STPG2: variants seen among roughly 807,000 people sequenced by gnomAD.
STPG2 encodes sperm tail PG-rich repeat containing 2, also known as sperm-tail PG-rich repeat-containing protein 2.
A neutral mutation model predicts 54.2 loss-of-function variants in STPG2; 56 were observed. That is an observed-to-expected ratio of 1.03 (90% CI 0.83 to 1.29). The LOEUF (loss-of-function observed/expected upper bound fraction) is 1.29, where lower values mean the gene tolerates loss of function less well. Among genes scored for constraint, STPG2 ranks in the 50% most tolerant of loss-of-function variants. The probability of loss-of-function intolerance (pLI) is 0.00; values close to 1 mark genes in which losing one functional copy is unlikely to be tolerated. For missense variants in STPG2, 596 were observed against 544.9 expected (o/e 1.09, Z -0.93); for synonymous variants, 200 against 181.8 (o/e 1.10, Z -0.81).
At chr4:97,474,884 G>A (rs182077367) in intron 4 of STPG2, among the ~76,000 whole-genome samples, 2 of 151,878 alleles carry the variant, frequency 1.3e-5, no homozygotes, top group East Asian at 3.9e-4. Context: ...TACACATAAA[G>A]ATTTAACTTA....
At chr4:97,986,010 T>C (rs943484471) in intron 5 of STPG2, among the ~76,000 whole-genome samples, 6 of 151,958 alleles carry the variant, frequency 3.9e-5, no homozygotes, top group African/African-American at 1.5e-4. Context: ...CCCACATCCA[T>C]CTCTTGTAGT....
chr4:97,971,446 T>A (rs563221024), intron 7 of STPG2, among the ~76,000 whole-genome samples: 13 of 152,164 alleles, frequency 8.5e-5, no homozygotes, highest in Non-Finnish European at 1.9e-4. Context: ...ATGTGGCACA[T>A]ATACACCATG....
Position 97,797,752 on chromosome 4 carries a change from A to G in STPG2, c.1204+43021T>C, listed in dbSNP as rs527662401. Among the ~76,000 whole-genome samples, 3 of 152,292 alleles carry G rather than the reference A, an allele frequency of 2.0e-5. No homozygotes were observed. In the South Asian group the frequency reaches 6.2e-4, roughly 32 times the overall value. ...TTTTTCTATTGACTGGAATAGTTTC[A>G]GAAGGAATGGTACCAGCTCCTCCTT... On this transcript the variant is annotated intron_variant, in intron 9 of 10. Coordinates refer to ENST00000295268, the MANE Select transcript of STPG2 (RefSeq NM_174952.3).
intron 5 of STPG2, among the ~76,000 whole-genome samples, chr4:98,068,271 C>A (rs1204852208): frequency 1.3e-5 from 2 of 152,076 alleles, no homozygotes; most frequent in Non-Finnish European, 2.9e-5. Flanking sequence ...TTTTCCTTTT[C>A]TTTGACTAGG....
At chr4:97,707,763 T>A (rs1723994386) in intron 10 of STPG2, among the ~76,000 whole-genome samples, 1 of 152,062 alleles carries the variant, frequency 6.6e-6, no homozygotes, top group South Asian at 2.1e-4. Context: ...GTGTCAAACC[T>A]AATACCAAAG....
At chr4:97,641,700 A>C (rs559683798) in intron 10 of STPG2, among the ~76,000 whole-genome samples, 1 of 151,622 alleles carries the variant, frequency 6.6e-6, no homozygotes, top group South Asian at 2.1e-4. Flanking sequence ...AAATGAAAAA[A>C]AAATTGAACA....
intron 8 of STPG2, among the ~76,000 whole-genome samples, chr4:97,924,964 G>A (rs1345076024): frequency 2.0e-5 from 3 of 152,164 alleles, no homozygotes; most frequent in Non-Finnish European, 4.4e-5. Flanking sequence ...CAGAGATTAT[G>A]TAGAATATGA....
intron 8 of STPG2, among the ~76,000 whole-genome samples, chr4:97,938,955 A>T (rs554189189): frequency 6.6e-6 from 1 of 151,440 alleles, no homozygotes; most frequent in South Asian, 2.1e-4. Flanking sequence ...CAGTACTATG[A>T]ATTTTCCTCT....
At chr4:97,792,874 G>A (rs1240059234) in intron 9 of STPG2, among the ~76,000 whole-genome samples, 1 of 152,042 alleles carries the variant, frequency 6.6e-6, no homozygotes, top group African/African-American at 2.4e-5. Flanking sequence ...TTTCCTGGCT[G>A]GGCACAGTGG....
chr4:97,651,648 C>T (rs1722070725), intron 10 of STPG2, among the ~76,000 whole-genome samples: 1 of 152,004 alleles, frequency 6.6e-6, no homozygotes, highest in Non-Finnish European at 1.5e-5. Context: ...AACAAAAGCA[C>T]ATTTTCCCCT....
chr4:97,850,717 T>G (rs887344572), intron 8 of STPG2, among the ~76,000 whole-genome samples: 23 of 152,144 alleles, frequency 1.5e-4, no homozygotes, highest in African/African-American at 5.5e-4. Context: ...GAAAGCCTAA[T>G]CTAGTAACTT....
intron 5 of STPG2, among the ~76,000 whole-genome samples, chr4:98,035,809 A>G (rs1466439797): frequency 3.9e-5 from 6 of 152,168 alleles, no homozygotes; most frequent in Non-Finnish European, 8.8e-5. Flanking sequence ...ACATGGATGA[A>G]GCTGGAAACC....
At chr4:97,489,883 G>A (rs1279891085) in intron 4 of STPG2, 2 of 151,130 alleles carry the variant, frequency 1.3e-5, no homozygotes, top group South Asian at 2.1e-4. Flanking sequence ...CTACAATTAA[G>A]GAGACAAAAG....
chr4:98,060,405 G>C (rs941290323), intron 5 of STPG2, among the ~76,000 whole-genome samples: 2 of 139,418 alleles, frequency 1.4e-5, no homozygotes, highest in Admixed American at 7.1e-5. Flanking sequence ...CACTGCTCAA[G>C]GAAATCAGAG....
At chr4:97,789,717 G>C (rs937113115) in intron 9 of STPG2, among the ~76,000 whole-genome samples, 2 of 151,952 alleles carry the variant, frequency 1.3e-5, no homozygotes, top group Non-Finnish European at 2.9e-5. Context: ...ATTTTATAAG[G>C]CTTGTTAGAT....
intron 9 of STPG2, among the ~76,000 whole-genome samples, chr4:97,801,920 C>T (rs1282914188): frequency 6.6e-6 from 1 of 152,148 alleles, no homozygotes; most frequent in African/African-American, 2.4e-5. Flanking sequence ...GTAACGTTAA[C>T]TTTACATCAA....
intron 4 of STPG2, among the ~76,000 whole-genome samples, chr4:97,539,341 G>A (rs935945695): frequency 2.0e-5 from 3 of 152,158 alleles, no homozygotes; most frequent in African/African-American, 7.2e-5. Flanking sequence ...GAAAGGGATG[G>A]AGGAAGATCT....
intron 8 of STPG2, among the ~76,000 whole-genome samples, chr4:97,851,016 T>C (rs552021961): frequency 1.0e-3 from 152 of 152,318 alleles, no homozygotes; most frequent in Middle Eastern, 3.4e-3. Flanking sequence ...GGTTTGTTCA[T>C]TCACTTTAGT....
chr4:97,494,920 C>T (rs1730575037), intron 4 of STPG2, among the ~76,000 whole-genome samples: 1 of 151,036 alleles, frequency 6.6e-6, no homozygotes, highest in Admixed American at 6.6e-5. Flanking sequence ...CACTGTTTTC[C>T]TAAATCCTAA....
Sources: allele counts gnomAD v4.1 joint callset (sites outside exome capture counted in the v4.1 genomes callset), GRCh38; gene constraint gnomAD v4.1.1; transcripts MANE v1.5; gene names NCBI Gene and HGNC (gene_info 2026-07-23, HGNC 2026-07-21).